SMC5: variants seen among roughly 807,000 people sequenced by gnomAD.
SMC5 encodes structural maintenance of chromosomes protein 5.
A neutral mutation model predicts 148.3 loss-of-function variants in SMC5; 88 were observed. The ratio of observed to expected loss-of-function variants is 0.59; its 90% CI spans 0.50 to 0.71. The LOEUF is 0.71. Among genes scored for constraint, SMC5 ranks in the 30% least tolerant of loss-of-function variants. The probability of loss-of-function intolerance (pLI) is 0.00; values close to 1 mark genes in which losing one functional copy is unlikely to be tolerated. For missense variants in SMC5, 1,142 were observed against 1,298.9 expected, an observed-to-expected ratio of 0.88 and a Z score of 1.86; for synonymous variants, 421 against 432.8, an observed-to-expected ratio of 0.97 and a Z score of 0.34.
intron 17 of SMC5, among the ~76,000 whole-genome samples, chr9:70,330,037 C>G (rs2118705132): frequency 6.6e-6 from 1 of 152,252 alleles, no homozygotes; most frequent in South Asian, 2.1e-4. Context: ...AATCCACCCT[C>G]ATGAGCCAAT....
rs200673426 is a variant in SMC5, at chr9:70,315,428, C to T, written c.1674-18C>T. The T allele has an allele frequency of 2.0e-4, 309 of 1,515,442 alleles. No homozygotes were observed. The African/African-American group carries it at 3.8e-3, about 19-fold the overall frequency. 93.9% of individuals were successfully genotyped at this position (1,515,442 alleles called of 1,614,324 possible). On this transcript the variant is annotated intron_variant, in intron 12 of 24. Transcript: ENST00000361138. ...GATATTTTAAGAAGAAAAATCTAATCAATACTTTTCCTTTCAGACAATACG... is the reference window on the plus strand; with the variant it reads ...GATATTTTAAGAAGAAAAATCTAATTAATACTTTTCCTTTCAGACAATACG...
intron 18 of SMC5, among the ~76,000 whole-genome samples, chr9:70,345,062 T>G (rs1009777214): frequency 6.6e-6 from 1 of 152,172 alleles, no homozygotes; most frequent in Non-Finnish European, 1.5e-5. Context: ...ATTGGATACA[T>G]ACTAGGAACT....
rs2035774134 is a variant in SMC5 at position 70,315,449 on chromosome 9, A to G, written c.1677A>G (p.Gln559=). 1.3e-6 allele frequency: 2 copies of G among 1,573,048 alleles called. No individual in the cohort carries two copies. The highest frequency in any genetic ancestry group is 2.3e-5 in the East Asian group (1 of 44,092). The part of the protein sequence containing the change: ...APSRSLNELK[Q]YGFFSYLREL... ...TAATCAATACTTTTCCTTTCAGACA[A>G]TACGGATTTTTCTCTTATTTGAGAG... Residue 559 remains glutamine (Q), a synonymous_variant, in exon 13 of 25, where the codon CAA becomes CAG. Coordinates refer to ENST00000361138, the MANE Select transcript of SMC5 (RefSeq NM_015110.4).
chr9:70,324,816 G>A (rs969073208), intron 17 of SMC5, among the ~76,000 whole-genome samples: 3 of 152,054 alleles, frequency 2.0e-5, no homozygotes, highest in Non-Finnish European at 2.9e-5. Context: ...TATTCTTAAC[G>A]ATTATGATTT....
chr9:70,334,823 T>C (rs1324817743), intron 17 of SMC5, among the ~76,000 whole-genome samples: 1 of 152,098 alleles, frequency 6.6e-6, no homozygotes, highest in East Asian at 1.9e-4. Flanking sequence ...AGTATATGAA[T>C]AGTAAATAAG....
chr9:70,332,526 A>C (rs1240724217), intron 17 of SMC5, among the ~76,000 whole-genome samples: 1 of 35,782 alleles, frequency 2.8e-5, no homozygotes, highest in African/African-American at 6.0e-5. Context: ...CCTGTCTCAA[A>C]AAAAAAAAAA....
chr9:70,324,002 T>G lies in SMC5; in HGVS notation c.2275-19T>G. ...CATAGGTAACATAAAAATTAACTCT[T>G]AGGGGTTTTTGTTCCTAGATTTGTA... On this transcript the variant is annotated intron_variant, in intron 16 of 24. Coordinates refer to ENST00000361138, the MANE Select transcript of SMC5 (RefSeq NM_015110.4). 1 of 1,526,886 alleles carries G rather than the reference T, an allele frequency of 6.5e-7. No homozygotes were observed. Among genetic ancestry groups the G allele is most frequent in the Non-Finnish European group, 8.8e-7 (1 of 1,141,866 alleles). The allele number at this position is 1,526,886 out of a possible 1,614,324, so 94.6% of individuals were successfully genotyped here.
intron 1 of SMC5, among the ~76,000 whole-genome samples, chr9:70,263,643 T>C (rs2034197971): frequency 6.6e-6 from 1 of 152,216 alleles, no homozygotes. Flanking sequence ...ATTAGAGTGC[T>C]AGTCAGCTTT....
intron 17 of SMC5, among the ~76,000 whole-genome samples, chr9:70,329,620 C>T (rs763343287): frequency 1.3e-5 from 2 of 152,190 alleles, no homozygotes; most frequent in Non-Finnish European, 2.9e-5. Context: ...CAACAAGTCT[C>T]GAAGTTCCAA....
chr9:70,314,308 C>G (rs987271113), intron 11 of SMC5, among the ~76,000 whole-genome samples: 1 of 152,158 alleles, frequency 6.6e-6, no homozygotes, highest in Non-Finnish European at 1.5e-5. Flanking sequence ...TCACCTAGTG[C>G]TATTCTTTCA....
intron 8 of SMC5, among the ~76,000 whole-genome samples, chr9:70,297,247 A>G (rs2035226047): frequency 6.6e-6 from 1 of 152,214 alleles, no homozygotes; most frequent in Non-Finnish European, 1.5e-5. Flanking sequence ...TGTATGAACC[A>G]AAGTTTGTGT....
chr9:70,323,445 T>G, intron 15 of SMC5, 38 bp from the exon 16 acceptor site: 6 of 1,553,644 alleles, frequency 3.9e-6, no homozygotes, highest in Non-Finnish European at 5.2e-6. Context: ...ATTCTTATGT[T>G]TAACACTGAT....
chr9:70,329,012 C>T lies in SMC5; in HGVS notation c.2397+4869C>T, dbSNP rs78704553. On this transcript the variant is annotated intron_variant, in intron 17 of 24. Coordinates refer to ENST00000361138, the MANE Select transcript of SMC5 (RefSeq NM_015110.4). Reference sequence around the variant, plus strand: ...TATCTTGGCCCCGTTTAGCCACACCCGGAGTGGCTAGGATGTAGGGCACCA... The same window carrying T: ...TATCTTGGCCCCGTTTAGCCACACCTGGAGTGGCTAGGATGTAGGGCACCA... Among the ~76,000 whole-genome samples the T allele has an allele frequency of 3.0e-3, 451 of 152,324 alleles. 1 individual carries two copies. The highest frequency in any genetic ancestry group is 0.01 in the African/African-American group (431 of 41,574).
chr9:70,342,417 T>C (rs182093927), intron 17 of SMC5, among the ~76,000 whole-genome samples: 1 of 151,984 alleles, frequency 6.6e-6, no homozygotes, highest in East Asian at 1.9e-4. Flanking sequence ...ATAATAATAA[T>C]ACAGGTGTCC....
intron 11 of SMC5, among the ~76,000 whole-genome samples, chr9:70,312,358 A>G (rs2035681095): frequency 6.6e-6 from 1 of 152,094 alleles, no homozygotes; most frequent in Non-Finnish European, 1.5e-5. Context: ...CACTATCACG[A>G]AACAGCATGG....
chr9:70,286,412 G>A, intron 8 of SMC5, 141 bp downstream of exon 8: 1 of 581,970 alleles, frequency 1.7e-6, no homozygotes, highest in East Asian at 3.1e-5. Flanking sequence ...GGGAAAGTAA[G>A]ATTTGGAAGT....
At chr9:70,279,716 C>G (rs2034695996) in intron 5 of SMC5, among the ~76,000 whole-genome samples, 1 of 148,960 alleles carries the variant, frequency 6.7e-6, no homozygotes, top group Non-Finnish European at 1.5e-5. Flanking sequence ...ACTTGGGAGG[C>G]TGAGACAGGA....
At chr9:70,300,568 A>G (rs78788959) in intron 10 of SMC5, among the ~76,000 whole-genome samples, 2,519 of 152,246 alleles carry the variant, frequency 0.017, 35 homozygotes, top group Middle Eastern at 0.037. Context: ...GATTAAAGGA[A>G]AAAAACTAAG....
At chr9:70,349,223 T>C (rs1170471981) in intron 22 of SMC5, among the ~76,000 whole-genome samples, 1 of 152,114 alleles carries the variant, frequency 6.6e-6, no homozygotes, top group Non-Finnish European at 1.5e-5. Flanking sequence ...CCTGCCACCA[T>C]GCCCGGCTAA....
Sources: allele counts gnomAD v4.1 joint callset (sites outside exome capture counted in the v4.1 genomes callset), GRCh38; gene constraint gnomAD v4.1.1; transcripts MANE v1.5; gene names NCBI Gene and HGNC (gene_info 2026-07-23, HGNC 2026-07-21).